SUMF1: variants seen among roughly 807,000 people sequenced by gnomAD.
SUMF1 encodes the protein formylglycine-generating enzyme.
In SUMF1, 48 loss-of-function variants were observed where a neutral mutation model predicts 47.6. The observed-to-expected ratio is 1.01, with a 90% CI of 0.80 to 1.28. The LOEUF (loss-of-function observed/expected upper bound fraction) is 1.28. Ranked by LOEUF, SUMF1 falls within the 50% of genes most tolerant of loss-of-function variation. The pLI, the probability that SUMF1 is intolerant of heterozygous loss-of-function variation, is 0.00. For missense variants in SUMF1, 571 were observed against 485.4 expected, an observed-to-expected ratio of 1.18 and a Z score of -1.66; for synonymous variants, 230 against 192.1, an observed-to-expected ratio of 1.20 and a Z score of -1.63.
In SUMF1 at chr3:4,140,572, T is replaced by C. The variant is rs73809327; in HGVS notation, c.1015-71827A>G. 4.2e-3 allele frequency among the ~76,000 whole-genome samples: 643 copies of C among 152,184 alleles called. 8 individuals carry two copies. Among genetic ancestry groups the C allele is most frequent in the African/African-American group, 0.015 (609 of 41,556 alleles). ...AGAGGAAACATTTGACTTTATCCTA[T>C]ATTTTATAAATTATTTTTCTATTCA... On this transcript the variant is annotated intron_variant and NMD_transcript_variant, in intron 8 of 12. Coordinates refer to the SUMF1 transcript ENST00000448413.
chr3:4,152,280 G>C (rs1226942801), intron 8 of SUMF1, among the ~76,000 whole-genome samples: 1 of 151,302 alleles, frequency 6.6e-6, no homozygotes, highest in Non-Finnish European at 1.5e-5. Flanking sequence ...AGAGCAGTCT[G>C]GATTTTGTTT....
chr3:4,064,719 T>C (rs1695339741), intron 9 of SUMF1, among the ~76,000 whole-genome samples: 2 of 152,056 alleles, frequency 1.3e-5, no homozygotes, highest in South Asian at 2.1e-4. Context: ...GAGGTTACAG[T>C]GGGGAACTCA....
intron 8 of SUMF1, among the ~76,000 whole-genome samples, chr3:4,289,528 A>G (rs1697698777): frequency 6.6e-6 from 1 of 152,224 alleles, no homozygotes; most frequent in Non-Finnish European, 1.5e-5. Flanking sequence ...TCTATGAGTC[A>G]GAGCTTAAGC....
chr3:4,230,593 T>C (rs966442077), intron 8 of SUMF1, among the ~76,000 whole-genome samples: 4 of 152,112 alleles, frequency 2.6e-5, no homozygotes, highest in Non-Finnish European at 5.9e-5. Flanking sequence ...CACCTCAACA[T>C]GTTCACCAAA....
At chr3:4,054,216 G>A (rs370814452) in intron 9 of SUMF1, among the ~76,000 whole-genome samples, 5 of 152,214 alleles carry the variant, frequency 3.3e-5, no homozygotes, top group East Asian at 1.9e-4. Flanking sequence ...AAAAAGAACT[G>A]TATATGAGCA....
At chr3:4,189,509 T>C (rs1370260320) in intron 8 of SUMF1, among the ~76,000 whole-genome samples, 1 of 152,124 alleles carries the variant, frequency 6.6e-6, no homozygotes, top group Non-Finnish European at 1.5e-5. Flanking sequence ...ACATGATACC[T>C]GAACAAGATC....
At chr3:4,338,485 C>A (rs1440649481) in intron 8 of SUMF1, among the ~76,000 whole-genome samples, 2 of 152,136 alleles carry the variant, frequency 1.3e-5, no homozygotes. Context: ...CAAAACAATT[C>A]ATTCATTCAT....
chr3:4,303,978 C>A, intron 8 of SUMF1: 3 of 683,520 alleles, frequency 4.4e-6, no homozygotes, highest in Non-Finnish European at 6.1e-6. Flanking sequence ...GGCTCTTGGG[C>A]GAGTGTAAAT....
At chr3:4,132,152 T>C (rs781261905) in intron 8 of SUMF1, among the ~76,000 whole-genome samples, 2 of 152,156 alleles carry the variant, frequency 1.3e-5, no homozygotes, top group Non-Finnish European at 2.9e-5. Flanking sequence ...GATATAGATA[T>C]GAGTTTTCCT....
intron 8 of SUMF1, among the ~76,000 whole-genome samples, chr3:4,335,540 C>A (rs1699129570): frequency 6.6e-6 from 1 of 152,202 alleles, no homozygotes; most frequent in African/African-American, 2.4e-5. Flanking sequence ...TAAAGGAGTT[C>A]TGCAGCAGAA....
At chr3:4,049,176 T>G (rs989648878) in intron 9 of SUMF1, among the ~76,000 whole-genome samples, 1 of 152,200 alleles carries the variant, frequency 6.6e-6, no homozygotes, top group South Asian at 2.1e-4. Flanking sequence ...TTGCAGGCTG[T>G]CTGAGGTCAT....
intron 7 of SUMF1, among the ~76,000 whole-genome samples, chr3:4,391,634 C>G (rs1700866640): frequency 1.3e-5 from 2 of 151,984 alleles, no homozygotes; most frequent in African/African-American, 4.8e-5. Flanking sequence ...AGGTGCATAC[C>G]ATGATACCTG....
In SUMF1 at chr3:4,392,234, T is replaced by G. The variant is rs538269748; in HGVS notation, c.955-15845A>C. Among the ~76,000 whole-genome samples, 29 of 152,340 alleles carry G rather than the reference T, an allele frequency of 1.9e-4. 1 individual carries two copies. In the Middle Eastern group the frequency reaches 0.01, roughly 54 times the overall value. On this transcript the variant is annotated intron_variant, in intron 7 of 8. Transcript: ENST00000272902. ...GAATTTTTCATTTCAGTTAGTAGTA[T>G]ACTTTTCAATTCTAGAAATTCTACT...
intron 8 of SUMF1, among the ~76,000 whole-genome samples, chr3:4,205,722 G>T (rs1176515968): frequency 6.6e-6 from 1 of 152,142 alleles, no homozygotes; most frequent in Admixed American, 6.5e-5. Context: ...AGATCTGGGA[G>T]AATTCCCTAG....
intron 3 of SUMF1, among the ~76,000 whole-genome samples, chr3:4,431,450 A>C (rs1575213589): frequency 6.6e-6 from 1 of 152,214 alleles, no homozygotes; most frequent in South Asian, 2.1e-4. Context: ...AAAGCCCTGC[A>C]CTCAGCCACA....
intron 9 of SUMF1, among the ~76,000 whole-genome samples, chr3:4,056,542 A>T (rs1236046333): frequency 6.6e-6 from 1 of 151,948 alleles, no homozygotes; most frequent in African/African-American, 2.4e-5. Flanking sequence ...ATGTGGTAGC[A>T]TGCTAATTGG....
rs78847185 is a variant in SUMF1 at position 4,083,191 on chromosome 3, G to T, written c.1015-14446C>A. On this transcript the variant is annotated intron_variant and NMD_transcript_variant, in intron 8 of 12. Coordinates refer to the SUMF1 transcript ENST00000448413. The stretch of plus-strand genomic sequence containing the variant: ...ACACCTCACTTTTGATTAAGAGATC[G>T]CAAACTGACTTGTTAATATTGTAAT... Among the ~76,000 whole-genome samples the T allele has an allele frequency of 6.6e-3, 1,001 of 152,232 alleles. 13 individuals are homozygous for T. Among genetic ancestry groups the T allele is most frequent in the African/African-American group, 0.023 (945 of 41,518 alleles).
At chr3:4,234,001 G>T (rs918037872) in intron 8 of SUMF1, among the ~76,000 whole-genome samples, 11 of 152,046 alleles carry the variant, frequency 7.2e-5, no homozygotes, top group Non-Finnish European at 8.8e-5. Flanking sequence ...ATGTACTGAA[G>T]CAATGACCTC....
intron 8 of SUMF1, among the ~76,000 whole-genome samples, chr3:4,099,730 C>A (rs1188066117): frequency 2.0e-5 from 3 of 151,894 alleles, no homozygotes; most frequent in Non-Finnish European, 2.9e-5. Flanking sequence ...CACCCAAAAC[C>A]TACTAGAACT....
Sources: gnomAD v4.1 joint callset for allele counts (sites outside exome capture counted in the v4.1 genomes callset) on GRCh38, gnomAD v4.1.1 for gene constraint, MANE v1.5 for transcripts, NCBI Gene and HGNC (gene_info 2026-07-23, HGNC 2026-07-21) for gene names.